Variants in NOTCH2NLB observed in about 807,000 individuals in gnomAD.
NOTCH2NLB encodes notch 2 N-terminal like B.
Under a neutral mutation model 14.8 loss-of-function variants are expected in NOTCH2NLB, and 1 was observed. The ratio of observed to expected loss-of-function variants is 0.07; its 90% CI spans 0.02 to 0.32. The LOEUF is 0.32. Among genes scored for constraint, NOTCH2NLB ranks in the 10% least tolerant of loss-of-function variants. NOTCH2NLB has a pLI of 1.00. For missense variants in NOTCH2NLB, 11 were observed against 155.0 expected (o/e 0.07, Z 4.93); for synonymous variants, 6 against 57.5 (o/e 0.10, Z 4.05).
At chr1:148,600,674 G>T in the NOTCH2NLB span, among the ~76,000 whole-genome samples, 2 of 130,818 alleles carry the variant, frequency 1.5e-5, no homozygotes, top group Admixed American at 1.5e-4. Context: ...AGGATGTGGA[G>T]AAACTGGAAT....
At position 148,610,892 on chromosome 1, in the gene NOTCH2NLB, CAAAAAAAA is replaced by C. The variant is rs1213221121; in HGVS notation, c.338-3155_338-3148del. ...TGGATGACAAAGCAATACTCCATCT[CAAAAAAAA>C]AAAAAAAAAAAAAGGTGATCAGAAT... On this transcript the variant is annotated intron_variant, in intron 3 of 4. Coordinates refer to ENST00000593495, the Ensembl canonical transcript of NOTCH2NLB. Among the ~76,000 whole-genome samples the C allele has an allele frequency of 1.2e-4, 4 of 34,308 alleles. No individual in the cohort carries two copies. The East Asian group carries it at 3.0e-3, about 25-fold the overall frequency. The allele number at this position is 34,308 out of a possible 152,430, so 22.5% of individuals were successfully genotyped here. A position where few individuals can be genotyped will look rare whatever the true frequency, so the allele number is the denominator to read the frequency against.
chr1:148,637,562 T>C lies in NOTCH2NLB; in HGVS notation c.77+2454A>G, dbSNP rs1364464826. Among the ~76,000 whole-genome samples, 852 of 148,484 alleles carry C rather than the reference T, an allele frequency of 5.7e-3. 73 individuals are homozygous for C. Among genetic ancestry groups the C allele is most frequent in the African/African-American group, 0.021 (816 of 39,598 alleles). ...TATGGTATTACCACCCTGAATGCTA[T>C]GTGAAATACATAAATTTTTTTTAAA... On this transcript the variant is annotated intron_variant, in intron 2 of 4. Transcript: ENST00000593495.
chr1:148,604,952 C>T (rs1227041708), downstream of NOTCH2NLB, among the ~76,000 whole-genome samples: 124 of 23,740 alleles, frequency 5.2e-3, 7 homozygotes, highest in Middle Eastern at 0.013. Context: ...ACGCCATATA[C>T]ACACACACAC....
the NOTCH2NLB span, among the ~76,000 whole-genome samples, chr1:148,704,282 A>G: frequency 1.9e-5 from 1 of 52,380 alleles, no homozygotes; most frequent in Admixed American, 1.9e-4. Context: ...AACGTTCTGT[A>G]ATTGTATAAG....
chr1:148,670,580 A>G, intron 1 of NOTCH2NLB, among the ~76,000 whole-genome samples: 1 of 138,074 alleles, frequency 7.2e-6, no homozygotes, highest in Non-Finnish European at 1.6e-5. Context: ...ATATATATAA[A>G]TAAATCAACA....
intron 3 of NOTCH2NLB, among the ~76,000 whole-genome samples, chr1:148,610,007 A>G (rs1223643759): frequency 7.8e-4 from 110 of 140,848 alleles, no homozygotes; most frequent in African/African-American, 3.0e-3. Flanking sequence ...AGATCCCCGG[A>G]CCGGAAGTGG....
chr1:148,634,058 C>T (rs1234284685), intron 2 of NOTCH2NLB, among the ~76,000 whole-genome samples: 5 of 109,418 alleles, frequency 4.6e-5, no homozygotes, highest in East Asian at 6.8e-4. Context: ...ATATGTGGTA[C>T]GCATAAATAG....
chr1:148,610,378 A>AGAAAGAAAGAAG (rs1663662175), intron 3 of NOTCH2NLB, among the ~76,000 whole-genome samples: 3 of 121,876 alleles, frequency 2.5e-5, no homozygotes, highest in Admixed American at 8.3e-5. Flanking sequence ...AGAAAGAGAA[A>AGAAAGAAAGAAG]GAAAGAAAGA....
the NOTCH2NLB span, among the ~76,000 whole-genome samples, chr1:148,692,906 CA>C: frequency 1.1e-5 from 1 of 90,614 alleles, no homozygotes; most frequent in Non-Finnish European, 2.2e-5. Context: ...TCGCTTTCAA[CA>C]AAGTACTTGC....
intron 1 of NOTCH2NLB, among the ~76,000 whole-genome samples, chr1:148,670,452 T>G (rs1159369398): frequency 1.4e-5 from 2 of 143,846 alleles, no homozygotes; most frequent in Admixed American, 6.9e-5. Flanking sequence ...GTAAAGATTT[T>G]TAAAAATAAA....
At chr1:148,634,381 C>T (rs1664177174) in intron 2 of NOTCH2NLB, among the ~76,000 whole-genome samples, 1 of 144,352 alleles carries the variant, frequency 6.9e-6, no homozygotes, top group Non-Finnish European at 1.5e-5. Context: ...CTGACAATGC[C>T]CCTGTGCCTC....
Position 148,631,330 on chromosome 1 carries a change from TTC to T in NOTCH2NLB, c.77+8684_77+8685del, listed in dbSNP as rs1456070671. Among the ~76,000 whole-genome samples, 3 of 94,440 alleles carry T rather than the reference TTC, an allele frequency of 3.2e-5. No homozygotes were observed. In the East Asian group the frequency reaches 1.0e-3, roughly 32 times the overall value. The allele number at this position is 94,440 out of a possible 152,430, so 62.0% of individuals were successfully genotyped here. ...TTCACTTTTCTTTCATAAAACTCTT[TTC>T]ATAAAGATCAAGTAGAAGACTGTTT... On this transcript the variant is annotated intron_variant, in intron 2 of 4. Transcript: ENST00000593495.
chr1:148,670,529 TAAAAAA>T (rs1222724470), intron 1 of NOTCH2NLB, among the ~76,000 whole-genome samples: 25,431 of 87,898 alleles, frequency 0.29, 2,207 homozygotes, highest in East Asian at 0.47. Flanking sequence ...GTTCATAAAC[TAAAAAA>T]AAAAATATAT....
At position 148,610,132 on chromosome 1, in the gene NOTCH2NLB, A is replaced by G. The variant is rs1332645498; in HGVS notation, c.338-2387T>C. On this transcript the variant is annotated intron_variant, in intron 3 of 4. Coordinates refer to ENST00000593495, the Ensembl canonical transcript of NOTCH2NLB. The stretch of plus-strand genomic sequence containing the variant: ...GTGAAACGCCATCTTTTCTAAAAAT[A>G]CAAAAATTAGCCGGGCTTCATAGCG... Among the ~76,000 whole-genome samples, 8 of 139,192 alleles carry G rather than the reference A, an allele frequency of 5.7e-5. 1 individual carries two copies. Among genetic ancestry groups the G allele is most frequent in the Non-Finnish European group, 4.6e-5 (3 of 64,548 alleles). 91.3% of individuals were successfully genotyped at this position (139,192 alleles called of 152,430 possible).
At chr1:148,679,634 C>A in exon 1 of NOTCH2NLB, 2 of 1,048,580 alleles carry the variant, frequency 1.9e-6, no homozygotes, top group South Asian at 2.4e-5. Flanking sequence ...CCTCCTGCTT[C>A]AAAGGCTCAG....
intron 1 of NOTCH2NLB, among the ~76,000 whole-genome samples, chr1:148,673,617 A>G (rs1664793257): frequency 7.1e-6 from 1 of 140,952 alleles, no homozygotes; most frequent in Non-Finnish European, 1.6e-5. Flanking sequence ...CACAAACAGA[A>G]GTCCGAAAAT....
intron 1 of NOTCH2NLB, among the ~76,000 whole-genome samples, chr1:148,647,772 GA>G (rs1207318332): frequency 9.3e-3 from 185 of 19,916 alleles, no homozygotes; most frequent in Non-Finnish European, 0.017. Flanking sequence ...TGATTAAAAG[GA>G]AAAAAAAAAA....
chr1:148,638,191 C>T (rs1213773691), intron 2 of NOTCH2NLB, among the ~76,000 whole-genome samples: 6 of 148,402 alleles, frequency 4.0e-5, no homozygotes, highest in Non-Finnish European at 7.5e-5. Context: ...AAGGAGAGAA[C>T]CAGTGTCTTC....
chr1:148,687,295 ACT>A, the NOTCH2NLB span, among the ~76,000 whole-genome samples: 1 of 5,020 alleles, frequency 2.0e-4, no homozygotes, highest in East Asian at 7.7e-3. Flanking sequence ...AAGTAGAATG[ACT>A]CTATGCAGCC....
Sources: allele counts gnomAD v4.1 joint callset (sites outside exome capture counted in the v4.1 genomes callset), GRCh38; gene constraint gnomAD v4.1.1; transcripts MANE v1.5; gene names NCBI Gene and HGNC (gene_info 2026-07-23, HGNC 2026-07-21).